DAB1: variants seen among roughly 807,000 people sequenced by gnomAD.
DAB1 encodes the protein DAB adaptor protein 1.
In DAB1, 15 loss-of-function variants were observed where a neutral mutation model predicts 64.6. The observed-to-expected ratio is 0.23, with a 90% CI of 0.16 to 0.36. The LOEUF (loss-of-function observed/expected upper bound fraction) is 0.36. Among genes scored for constraint, DAB1 ranks in the 10% least tolerant of loss-of-function variants. DAB1 has a pLI of 1.00. For missense variants in DAB1, 596 were observed against 706.7 expected, an observed-to-expected ratio of 0.84 and a Z score of 1.78; for synonymous variants, 235 against 251.9, an observed-to-expected ratio of 0.93 and a Z score of 0.64.
chr1:57,611,611 C>T (rs1211689636), intron 7 of DAB1, among the ~76,000 whole-genome samples: 1 of 152,074 alleles, frequency 6.6e-6, no homozygotes, highest in African/African-American at 2.4e-5. Flanking sequence ...ATCCAAGCCT[C>T]CACAGCTAGT....
intron 7 of DAB1, among the ~76,000 whole-genome samples, chr1:57,463,572 A>T (rs539256003): frequency 6.6e-6 from 1 of 152,276 alleles, no homozygotes; most frequent in South Asian, 2.1e-4. Context: ...AGCTTTTGGC[A>T]GCCTGGGGCA....
intron 2 of DAB1, among the ~76,000 whole-genome samples, chr1:57,269,941 A>T (rs1670866859): frequency 6.6e-6 from 1 of 152,230 alleles, no homozygotes; most frequent in African/African-American, 2.4e-5. Flanking sequence ...TTTGGTCACG[A>T]GAATTACAAA....
rs151163418 is a variant in DAB1, at chr1:58,444,123, C to T, written n.257+61937G>A. On this transcript the variant is annotated intron_variant and non_coding_transcript_variant, in intron 3 of 20. Coordinates refer to the DAB1 transcript ENST00000485760. ...CTCCAGTATTAAGCCCCATGTGATG[C>T]TGAAGAAATTGCTCAGCATCTCTGG... is the stretch of plus-strand genomic sequence containing the variant. Among the ~76,000 whole-genome samples the T allele has an allele frequency of 7.9e-3, 1,203 of 152,282 alleles. 19 individuals are homozygous for T. Among genetic ancestry groups the T allele is most frequent in the African/African-American group, 0.028 (1,148 of 41,560 alleles).
chr1:58,473,557 T>TA (rs1557431463), intron 3 of DAB1, among the ~76,000 whole-genome samples: 5 of 111,162 alleles, frequency 4.5e-5, no homozygotes, highest in African/African-American at 9.4e-5. Context: ...AATAAATAAA[T>TA]AAATAAATAA....
chr1:58,376,885 T>C (rs1644333103), intron 3 of DAB1, among the ~76,000 whole-genome samples: 2 of 110,570 alleles, frequency 1.8e-5, no homozygotes, highest in Admixed American at 1.9e-4. Flanking sequence ...CATATATATT[T>C]AGGATAGTTA....
intron 2 of DAB1, among the ~76,000 whole-genome samples, chr1:57,194,394 G>A (rs1358876445): frequency 6.6e-6 from 1 of 152,174 alleles, no homozygotes; most frequent in Non-Finnish European, 1.5e-5. Context: ...TTGGCACGTG[G>A]TAAGCACTCA....
At chr1:57,947,105 A>G (rs1645195792) in intron 5 of DAB1, among the ~76,000 whole-genome samples, 1 of 152,108 alleles carries the variant, frequency 6.6e-6, no homozygotes, top group Non-Finnish European at 1.5e-5. Context: ...CTAGTTTTCC[A>G]AAGTAGACAC....
At position 57,088,442 on chromosome 1, in the gene DAB1, G is replaced by A. The variant is rs1393178298; in HGVS notation, c.307-16028C>T. On this transcript the variant is annotated intron_variant, in intron 4 of 14. Transcript: ENST00000371236. The stretch of plus-strand genomic sequence containing the variant: ...GGCCCTAGTCTCCCTTAAAGTGCCT[G>A]CCTAAGAAAACTCAGAGCTGCCAGA... Among the ~76,000 whole-genome samples the A allele has an allele frequency of 5.9e-5, 9 of 152,312 alleles. No individual in the cohort carries two copies. The East Asian group carries it at 1.5e-3, about 26-fold the overall frequency.
At chr1:57,500,359 A>G (rs1288165015) in intron 7 of DAB1, among the ~76,000 whole-genome samples, 1 of 152,248 alleles carries the variant, frequency 6.6e-6, no homozygotes, top group Non-Finnish European at 1.5e-5. Flanking sequence ...ATCTTGCAAC[A>G]TGTCTCGAGA....
At chr1:57,603,160 G>C (rs1347762586) in intron 7 of DAB1, among the ~76,000 whole-genome samples, 1 of 152,014 alleles carries the variant, frequency 6.6e-6, no homozygotes, top group Non-Finnish European at 1.5e-5. Flanking sequence ...TTAGTAGAGA[G>C]GGGGGTTTCT....
intron 7 of DAB1, among the ~76,000 whole-genome samples, chr1:57,509,525 C>T (rs17427990): frequency 0.19 from 28,230 of 151,878 alleles, 2,913 homozygotes; most frequent in Non-Finnish European, 0.24. Context: ...CTTCATTTTC[C>T]TCTCACCTCT....
intron 6 of DAB1, among the ~76,000 whole-genome samples, chr1:57,744,156 G>C (rs1001826632): frequency 1.3e-5 from 2 of 152,188 alleles, no homozygotes; most frequent in Non-Finnish European, 2.9e-5. Context: ...TGGGGGGCTT[G>C]CTCCCAACAT....
chr1:58,067,828 C>T (rs1352798604), intron 5 of DAB1, among the ~76,000 whole-genome samples: 1 of 152,212 alleles, frequency 6.6e-6, no homozygotes, highest in African/African-American at 2.4e-5. Flanking sequence ...GTTCCATACA[C>T]ATGCAGCTGT....
chr1:58,044,450 T>C (rs1159997518), intron 5 of DAB1, among the ~76,000 whole-genome samples: 1 of 151,914 alleles, frequency 6.6e-6, no homozygotes, highest in Admixed American at 6.6e-5. Context: ...TTCCATCTTG[T>C]ATGCGACCAA....
intron 1 of DAB1, among the ~76,000 whole-genome samples, chr1:57,297,938 C>G (rs939135079): frequency 6.6e-6 from 1 of 152,124 alleles, no homozygotes; most frequent in Admixed American, 6.5e-5. Context: ...TTGCACGGAA[C>G]AGGGTCCTTT....
intron 9 of DAB1, among the ~76,000 whole-genome samples, chr1:57,053,688 A>ATATAT (rs1447741565): frequency 0.023 from 1,624 of 71,444 alleles, 55 homozygotes; most frequent in Non-Finnish European, 0.034. Flanking sequence ...ATATATATAT[A>ATATAT]TTTTTTTTTT....
chr1:58,103,404 T>C (rs1166891750), intron 5 of DAB1, among the ~76,000 whole-genome samples: 1 of 152,156 alleles, frequency 6.6e-6, no homozygotes, highest in Non-Finnish European at 1.5e-5. Context: ...CTACTCAACC[T>C]TTGTCTTCGT....
intron 6 of DAB1, among the ~76,000 whole-genome samples, chr1:57,688,609 T>C (rs1646728017): frequency 1.3e-5 from 2 of 152,134 alleles, no homozygotes; most frequent in Admixed American, 1.3e-4. Context: ...AAAAGACACA[T>C]ATACTTATAT....
intron 14 of DAB1, 67 bp downstream of exon 14, chr1:57,010,613 T>G (rs1570487677): frequency 2.4e-6 from 2 of 830,996 alleles, no homozygotes; most frequent in Non-Finnish European, 3.6e-6. Context: ...GCTTCAGAAG[T>G]GAAGAACAAC....
Sources: gnomAD v4.1 joint callset for allele counts (sites outside exome capture counted in the v4.1 genomes callset) on GRCh38, gnomAD v4.1.1 for gene constraint, MANE v1.5 for transcripts, NCBI Gene and HGNC (gene_info 2026-07-23, HGNC 2026-07-21) for gene names.